The following WDR25 variants were observed in gnomAD, a reference collection of about 807,000 sequenced individuals.
WDR25 encodes WD repeat domain 25.
A neutral mutation model predicts 47.7 loss-of-function variants in WDR25; 35 were observed. The observed-to-expected ratio is 0.73, with a 90% CI of 0.56 to 0.97. WDR25 has a LOEUF of 0.97. WDR25 is among the 50% of genes least tolerant of loss of function. The pLI, the probability that WDR25 is intolerant of heterozygous loss-of-function variation, is 0.00. For synonymous variants in WDR25, 248 were observed against 278.9 expected (o/e 0.89, Z 1.10); for missense variants, 634 against 704.7 (o/e 0.90, Z 1.14).
At chr14:100,383,939 G>A (rs1896962010) in intron 2 of WDR25, among the ~76,000 whole-genome samples, 2 of 152,204 alleles carry the variant, frequency 1.3e-5, no homozygotes, top group South Asian at 4.1e-4. Flanking sequence ...GGAATGCCCT[G>A]CTCCTGGGCG....
chr14:100,463,342 A>G (rs1043975028), intron 2 of WDR25, among the ~76,000 whole-genome samples: 2 of 152,232 alleles, frequency 1.3e-5, no homozygotes, highest in African/African-American at 4.8e-5. Flanking sequence ...TCTCATTCTC[A>G]GCGGACCCAC....
chr14:100,490,861 T>G (rs1900538676), intron 4 of WDR25, among the ~76,000 whole-genome samples: 2 of 152,146 alleles, frequency 1.3e-5, no homozygotes, highest in African/African-American at 4.8e-5. Context: ...ACTCTCCATT[T>G]GTCTCTTTCA....
chr14:100,388,680 C>T (rs1897072260), intron 2 of WDR25, among the ~76,000 whole-genome samples: 1 of 152,226 alleles, frequency 6.6e-6, no homozygotes, highest in Non-Finnish European at 1.5e-5. Context: ...TTCCCAGTTC[C>T]AGTTGCCTTA....
intron 2 of WDR25, among the ~76,000 whole-genome samples, chr14:100,467,038 A>G (rs1453062700): frequency 6.6e-6 from 1 of 152,104 alleles, no homozygotes; most frequent in Admixed American, 6.5e-5. Flanking sequence ...CATTTTTCAG[A>G]AGTCATTGAG....
At chr14:100,436,254 G>A (rs1566909156) in intron 2 of WDR25, among the ~76,000 whole-genome samples, 2 of 152,122 alleles carry the variant, frequency 1.3e-5, no homozygotes, top group Admixed American at 6.5e-5. Flanking sequence ...CTTATGGAGG[G>A]TCCCACAAGC....
At chr14:100,503,062 T>C (rs546933418) in intron 4 of WDR25, among the ~76,000 whole-genome samples, 4 of 150,880 alleles carry the variant, frequency 2.7e-5, no homozygotes, top group Admixed American at 6.6e-5. Flanking sequence ...TGTGTGCGTG[T>C]GTGTGTGTGT....
In WDR25 at chr14:100,428,389, G is replaced by T. The variant is rs1425104428; in HGVS notation, c.823-39632G>T. 6.6e-6 allele frequency among the ~76,000 whole-genome samples: 1 copy of T among 152,224 alleles called. No homozygotes were observed. Among genetic ancestry groups the T allele is most frequent in the African/African-American group, 2.4e-5 (1 of 41,456 alleles). ...AGAGCATGGCGTCTGGAGTCAGGCG[G>T]CCTGGCTACGGGTCTTGGGTCTGCC... is the stretch of plus-strand genomic sequence containing the variant. On this transcript the variant is annotated intron_variant, in intron 2 of 6. Transcript: ENST00000402312. This position sits in a 1 kb window ranked among gnomAD's most constrained non-coding sequence, Gnocchi z 4.3.
At chr14:100,410,310 G>A (rs1418063333) in intron 2 of WDR25, among the ~76,000 whole-genome samples, 1 of 152,216 alleles carries the variant, frequency 6.6e-6, no homozygotes, top group Non-Finnish European at 1.5e-5. Context: ...GGCCTCCCAG[G>A]GAGACGGTGG....
intron 4 of WDR25, among the ~76,000 whole-genome samples, chr14:100,511,668 G>C (rs1230934679): frequency 6.6e-6 from 1 of 151,988 alleles, no homozygotes; most frequent in East Asian, 1.9e-4. Context: ...GTGAGAGTGT[G>C]CATCCTTGCC....
chr14:100,516,926 C>T (rs951419114), intron 4 of WDR25, among the ~76,000 whole-genome samples: 3 of 149,508 alleles, frequency 2.0e-5, no homozygotes, highest in African/African-American at 4.9e-5. Flanking sequence ...TATTATTTGT[C>T]TCTGTTTTTT....
At position 100,430,151 on chromosome 14, in the gene WDR25, GGTGTGTGTGTGTGT is replaced by G. The variant is rs59318813; in HGVS notation, c.823-37849_823-37836del. Among the ~76,000 whole-genome samples the G allele has an allele frequency of 6.8e-6, 1 of 146,792 alleles. No individual in the cohort carries two copies. The highest frequency in any genetic ancestry group is 2.5e-5 in the African/African-American group (1 of 39,780). ...CAAATCTTGCAGACCAAGGGGGCCT[GGTGTGTGTGTGTGT>G]GTGTGTGTGTGTGTGTGTGTTCCCG... On this transcript the variant is annotated intron_variant, in intron 2 of 6. Transcript: ENST00000402312. The surrounding 1 kb of genome is among the most constrained non-coding windows in gnomAD (Gnocchi z 4.7).
At chr14:100,377,949 T>C (rs1265297823) in intron 1 of WDR25, among the ~76,000 whole-genome samples, 1 of 152,014 alleles carries the variant, frequency 6.6e-6, no homozygotes, top group Admixed American at 6.5e-5. Context: ...CGTGTTTGAT[T>C]AAGGTTGGGT....
At chr14:100,463,480 T>C (rs1440329675) in intron 2 of WDR25, among the ~76,000 whole-genome samples, 1 of 152,176 alleles carries the variant, frequency 6.6e-6, no homozygotes, top group African/African-American at 2.4e-5. Context: ...TTCTGGTTTC[T>C]CTCTCTCCTC....
intron 2 of WDR25, among the ~76,000 whole-genome samples, chr14:100,389,466 G>T (rs188187744): frequency 6.6e-6 from 1 of 152,084 alleles, no homozygotes; most frequent in Non-Finnish European, 1.5e-5. Flanking sequence ...GTTTTCTTTT[G>T]TCTATTCTCC....
In WDR25 at chr14:100,501,257, C is replaced by T. The variant is rs114130303; in HGVS notation, c.1101+17133C>T. 2.2e-3 allele frequency among the ~76,000 whole-genome samples: 328 copies of T among 152,300 alleles called. 2 individuals are homozygous for T. The highest frequency in any genetic ancestry group is 7.5e-3 in the African/African-American group (313 of 41,562). ...GTGGTCACGAGGATTAAGGAGGTCA[C>T]ATGTAAGGCACCTAGCAAGACAGAT... is the stretch of plus-strand genomic sequence containing the variant. On this transcript the variant is annotated intron_variant, in intron 4 of 6. Transcript: ENST00000402312.
At chr14:100,412,804 A>G (rs1307108578) in intron 2 of WDR25, among the ~76,000 whole-genome samples, 1 of 152,232 alleles carries the variant, frequency 6.6e-6, no homozygotes. Context: ...GGTTTTATTC[A>G]GAATGAAATG....
intron 3 of WDR25, among the ~76,000 whole-genome samples, chr14:100,470,938 TCATTCAACTGTTGAATGAACTGTTG>T (rs1004442594): frequency 2.0e-5 from 3 of 152,182 alleles, no homozygotes; most frequent in African/African-American, 7.2e-5. Flanking sequence ...ACCACTGGGT[TCATTCAACTGTTGAATGAACTGTTG>T]AATTCAACTC....
At chr14:100,396,523 T>G (rs1897263800) in intron 2 of WDR25, among the ~76,000 whole-genome samples, 1 of 152,192 alleles carries the variant, frequency 6.6e-6, no homozygotes, top group African/African-American at 2.4e-5. Context: ...TTGTTCTGTG[T>G]GCTGTGTTCT....
At chr14:100,493,444 T>G (rs1045812892) in intron 4 of WDR25, among the ~76,000 whole-genome samples, 1 of 134,512 alleles carries the variant, frequency 7.4e-6, no homozygotes, top group Admixed American at 7.6e-5. Context: ...TATCAGGACT[T>G]CACTCCTTTA....
Sources: gnomAD v4.1 joint callset for allele counts (sites outside exome capture counted in the v4.1 genomes callset) on GRCh38, gnomAD v4.1.1 for gene constraint, Gnocchi (gnomAD v3.1) non-coding constraint, MANE v1.5 for transcripts, NCBI Gene and HGNC (gene_info 2026-07-23, HGNC 2026-07-21) for gene names.